DNER: variants seen among roughly 807,000 people sequenced by gnomAD.
DNER encodes delta/notch like EGF repeat containing.
Under a neutral mutation model 78.2 loss-of-function variants are expected in DNER, and 33 were observed. The observed-to-expected ratio is 0.42, with a 90% CI of 0.32 to 0.56. The LOEUF is 0.56. DNER is among the 20% of genes least tolerant of loss of function. The pLI is 0.11. For synonymous variants in DNER, 417 were observed against 384.8 expected, an observed-to-expected ratio of 1.08 and a Z score of -0.98; for missense variants, 918 against 975.3, an observed-to-expected ratio of 0.94 and a Z score of 0.78.
At chr2:229,596,975 C>A (rs530961462) in intron 1 of DNER, among the ~76,000 whole-genome samples, 22 of 146,328 alleles carry the variant, frequency 1.5e-4, no homozygotes, top group Non-Finnish European at 2.0e-4. Context: ...ATGCACACAC[C>A]TGCGCACACA....
intron 1 of DNER, among the ~76,000 whole-genome samples, chr2:229,705,780 C>T (rs1699817489): frequency 1.3e-5 from 2 of 152,214 alleles, no homozygotes; most frequent in Non-Finnish European, 2.9e-5. Context: ...TTATTATTCA[C>T]TTTCATCTTT....
At chr2:229,623,254 T>C (rs556605949) in intron 1 of DNER, among the ~76,000 whole-genome samples, 1 of 152,248 alleles carries the variant, frequency 6.6e-6, no homozygotes, top group South Asian at 2.1e-4. Context: ...CGGGCTGTTT[T>C]TTTCTTTGAC....
intron 1 of DNER, among the ~76,000 whole-genome samples, chr2:229,709,326 T>C (rs1699877336): frequency 6.6e-6 from 1 of 152,210 alleles, no homozygotes; most frequent in Non-Finnish European, 1.5e-5. Flanking sequence ...TTAGTCCATG[T>C]TAGAGATATG....
At chr2:229,489,752 G>A (rs1477739592) in intron 6 of DNER, among the ~76,000 whole-genome samples, 2 of 152,124 alleles carry the variant, frequency 1.3e-5, no homozygotes, top group African/African-American at 2.4e-5. Flanking sequence ...TCTCAGGAGA[G>A]CAGGCACAGT....
chr2:229,505,219 T>TGTGTGTGTGTGTGTGTGTGTGTG (rs56268741), intron 6 of DNER, among the ~76,000 whole-genome samples: 3 of 149,256 alleles, frequency 2.0e-5, no homozygotes, highest in Non-Finnish European at 3.0e-5. Flanking sequence ...TGTGTGTGTG[T>TGTGTGTGTGTGTGTGTGTGTGTG]TGGCTACAAT....
At chr2:229,712,625 T>C (rs1204770940) in intron 1 of DNER, among the ~76,000 whole-genome samples, 1 of 152,242 alleles carries the variant, frequency 6.6e-6, no homozygotes, top group African/African-American at 2.4e-5. Flanking sequence ...CAGGGAAAAT[T>C]AGCGTGAGTG....
At chr2:229,499,288 T>C (rs1695563649) in intron 6 of DNER, among the ~76,000 whole-genome samples, 1 of 151,422 alleles carries the variant, frequency 6.6e-6, no homozygotes, top group Non-Finnish European at 1.5e-5. Flanking sequence ...TCTAATAAAA[T>C]TGAAAAATTA....
chr2:229,679,862 C>G lies in DNER; in HGVS notation c.276+34286G>C, dbSNP rs559563219. On this transcript the variant is annotated intron_variant, in intron 1 of 12. Transcript: ENST00000341772. ...ACCAAAACTGAGGCCAATTCCACCA[C>G]TCTTCAGGAGCACAGTCAGCCCAAG... 2.6e-5 allele frequency among the ~76,000 whole-genome samples: 4 copies of G among 152,348 alleles called. No individual in the cohort carries two copies. The East Asian group carries it at 7.7e-4, about 29-fold the overall frequency.
At chr2:229,583,409 C>T (rs1411227986) in intron 4 of DNER, among the ~76,000 whole-genome samples, 5 of 152,186 alleles carry the variant, frequency 3.3e-5, no homozygotes, top group African/African-American at 4.8e-5. Context: ...TGTTGAATAT[C>T]TTATACAACT....
At chr2:229,399,429 T>C (rs1481844190) in intron 10 of DNER, among the ~76,000 whole-genome samples, 1 of 151,978 alleles carries the variant, frequency 6.6e-6, no homozygotes, top group African/African-American at 2.4e-5. Context: ...ACTGTGTTCA[T>C]GAATTGGAAA....
At chr2:229,683,319 C>T (rs1158644140) in intron 1 of DNER, among the ~76,000 whole-genome samples, 1 of 152,102 alleles carries the variant, frequency 6.6e-6, no homozygotes, top group African/African-American at 2.4e-5. Flanking sequence ...AGTCTGAATT[C>T]CAAAGAGGAT....
At chr2:229,502,670 T>A (rs1695646135) in intron 6 of DNER, among the ~76,000 whole-genome samples, 1 of 152,194 alleles carries the variant, frequency 6.6e-6, no homozygotes, top group South Asian at 2.1e-4. Flanking sequence ...TTACATGGAT[T>A]TGGATGGTTA....
At chr2:229,558,617 C>T (rs578083174) in intron 4 of DNER, among the ~76,000 whole-genome samples, 1 of 152,224 alleles carries the variant, frequency 6.6e-6, no homozygotes, top group African/African-American at 2.4e-5. Context: ...GGCTGAAATA[C>T]AGAAGCACCC....
chr2:229,608,375 T>C (rs1325275049), intron 1 of DNER, among the ~76,000 whole-genome samples: 1 of 152,236 alleles, frequency 6.6e-6, no homozygotes, highest in East Asian at 1.9e-4. Context: ...CCACAACGCC[T>C]AAACTATTTA....
chr2:229,432,318 T>C (rs1014250010), intron 8 of DNER, among the ~76,000 whole-genome samples: 6 of 151,792 alleles, frequency 4.0e-5, no homozygotes, highest in Admixed American at 3.9e-4. Flanking sequence ...ATTCCAGAAG[T>C]TTTTCATTAT....
At chr2:229,578,838 A>G (rs1697346529) in intron 4 of DNER, among the ~76,000 whole-genome samples, 1 of 152,220 alleles carries the variant, frequency 6.6e-6, no homozygotes. Context: ...GAGCTTTACT[A>G]AGGAATTCCA....
intron 1 of DNER, among the ~76,000 whole-genome samples, chr2:229,678,894 C>A (rs186429995): frequency 5.9e-5 from 9 of 152,178 alleles, no homozygotes; most frequent in African/African-American, 2.2e-4. Context: ...AATACATCTA[C>A]GATCTTCCAA....
intron 1 of DNER, among the ~76,000 whole-genome samples, chr2:229,693,834 T>C (rs1699620288): frequency 6.6e-6 from 1 of 152,224 alleles, no homozygotes; most frequent in Admixed American, 6.5e-5. Context: ...ACCCATTTTC[T>C]AGGGAGACAT....
chr2:229,490,242 T>C (rs957531817), intron 6 of DNER, among the ~76,000 whole-genome samples: 27 of 152,094 alleles, frequency 1.8e-4, no homozygotes, highest in African/African-American at 5.8e-4. Context: ...CACATGATCC[T>C]GGAGGAAAAT....
Sources: gnomAD v4.1 joint callset for allele counts (sites outside exome capture counted in the v4.1 genomes callset) on GRCh38, gnomAD v4.1.1 for gene constraint, MANE v1.5 for transcripts, NCBI Gene and HGNC (gene_info 2026-07-23, HGNC 2026-07-21) for gene names.